Variants in ZNF320 observed in about 807,000 individuals in gnomAD.
ZNF320 encodes the protein zinc finger protein 320, also known as zinc finger gene 320.
ZNF320 carries 2 observed loss-of-function variants against 6.8 expected under a neutral mutation model. The observed-to-expected ratio is 0.29, with a 90% CI of 0.12 to 0.93. ZNF320 has a LOEUF of 0.93. Ranked by LOEUF, ZNF320 falls within the 40% of genes least tolerant of loss-of-function variation. The pLI is 0.55. For missense variants in ZNF320, 472 were observed against 611.0 expected (o/e 0.77, Z 2.40); for synonymous variants, 208 against 203.2 (o/e 1.02, Z -0.20).
At chr19:52,865,727 ATATATATGATTATACACATATATT>A (rs2063546123) in intron 5 of ZNF320, among the ~76,000 whole-genome samples, 1 of 109,914 alleles carries the variant, frequency 9.1e-6, no homozygotes, top group Non-Finnish European at 1.7e-5. Context: ...ACACATATTT[ATATATATGATTATACACATATATT>A]TATATATATG....
At position 52,877,290 on chromosome 19, in the gene ZNF320, G is replaced by A. The variant is rs1037532580; in HGVS notation, c.*3306C>T. On this transcript the variant is annotated 3_prime_UTR_variant, in exon 6 of 6. Coordinates refer to ENST00000682928, the MANE Select transcript of ZNF320 (RefSeq NM_001351774.2). ...AATCAGTACATATATACATTGGTCC[G>A]GTCTGGAAAGGTGGAATAACTGGAA... 1 of 152,080 alleles carries A rather than the reference G, an allele frequency of 6.6e-6. No individual in the cohort carries two copies. 9.4% of individuals were successfully genotyped at this position (152,080 alleles called of 1,614,324 possible).
chr19:52,872,549 T>C (rs1283816409), downstream of ZNF320, among the ~76,000 whole-genome samples: 1 of 152,134 alleles, frequency 6.6e-6, no homozygotes, highest in East Asian at 1.9e-4. Flanking sequence ...GTCACGCAGG[T>C]GGAGTGCAGT....
chr19:52,872,319 A>G (rs1008258633), downstream of ZNF320, among the ~76,000 whole-genome samples: 1 of 152,194 alleles, frequency 6.6e-6, no homozygotes, highest in African/African-American at 2.4e-5. Context: ...GTGTATATTA[A>G]TGTACTGAAG....
At chr19:52,871,429 A>G (rs2063678920), downstream of ZNF320, among the ~76,000 whole-genome samples, 1 of 152,132 alleles carries the variant, frequency 6.6e-6, no homozygotes, top group Non-Finnish European at 1.5e-5. Context: ...TGATGCAATA[A>G]GATCACTTGA....
At chr19:52,872,055 C>T (rs1947845082), downstream of ZNF320, among the ~76,000 whole-genome samples, 1 of 152,120 alleles carries the variant, frequency 6.6e-6, no homozygotes, top group African/African-American at 2.4e-5. Flanking sequence ...GGTGTGGTAG[C>T]ACCTGCCTGT....
At chr19:52,901,394 C>T (rs970645935), upstream of ZNF320, among the ~76,000 whole-genome samples, 7 of 152,296 alleles carry the variant, frequency 4.6e-5, no homozygotes. Flanking sequence ...CTGCTTCAGT[C>T]GTGCGTGGAC....
At chr19:52,900,644 ACTT>A (rs1478328168), upstream of ZNF320, among the ~76,000 whole-genome samples, 4 of 151,960 alleles carry the variant, frequency 2.6e-5, no homozygotes, top group Non-Finnish European at 4.4e-5. Context: ...GCATTTTTCA[ACTT>A]CTTTTTTTAT....
intron 4 of ZNF320, among the ~76,000 whole-genome samples, chr19:52,888,800 C>T (rs1346486148): frequency 3.3e-5 from 5 of 151,824 alleles, no homozygotes; most frequent in African/African-American, 7.3e-5. Flanking sequence ...AAAATATATA[C>T]GTGTGTGTAC....
chr19:52,901,038 G>C (rs1260922693), upstream of ZNF320, among the ~76,000 whole-genome samples: 1 of 151,794 alleles, frequency 6.6e-6, no homozygotes, highest in Non-Finnish European at 1.5e-5. Context: ...CCCCTCTTCT[G>C]TTCTAGCTAT....
downstream of ZNF320, among the ~76,000 whole-genome samples, chr19:52,875,122 C>T (rs2063742237): frequency 6.6e-6 from 1 of 152,212 alleles, no homozygotes; most frequent in Admixed American, 6.5e-5. Context: ...TAAATGACAA[C>T]ACTTACAAAT....
At chr19:52,864,000 G>A (rs746959472) in exon 6 of ZNF320, 1 of 465,924 alleles carries the variant, frequency 2.1e-6, no homozygotes. Flanking sequence ...CACAAGGACA[G>A]ATTCTTCATG....
intron 5 of ZNF320, among the ~76,000 whole-genome samples, chr19:52,885,045 C>CA (rs1246505809): frequency 6.6e-6 from 1 of 150,970 alleles, no homozygotes; most frequent in Admixed American, 6.6e-5. Context: ...AAAAAAAATA[C>CA]AAAAAAATTA....
At chr19:52,862,508 C>T in exon 6 of ZNF320, 1 of 358,208 alleles carries the variant, frequency 2.8e-6, no homozygotes, top group South Asian at 2.3e-5. Context: ...CTTGTAAGAT[C>T]TCTCTTCATT....
chr19:52,890,140 G>A, intron 4 of ZNF320, 101 bp downstream of exon 4: 1 of 1,527,590 alleles, frequency 6.5e-7, no homozygotes, highest in Non-Finnish European at 9.0e-7. Context: ...GAGCAAACCT[G>A]TCAGGCAGGA....
intron 3 of ZNF320, 196 bp from the exon 4 acceptor site, chr19:52,890,524 G>A: frequency 2.1e-6 from 1 of 480,690 alleles, no homozygotes. Flanking sequence ...TGCAGCAGTG[G>A]GGAGCTGGGC....
intron 4 of ZNF320, among the ~76,000 whole-genome samples, chr19:52,889,590 C>T (rs2064220627): frequency 6.6e-6 from 1 of 152,204 alleles, no homozygotes; most frequent in African/African-American, 2.4e-5. Context: ...AGCCTCTCCA[C>T]AGGAACCCCA....
intron 4 of ZNF320, 90 bp downstream of exon 4, chr19:52,890,151 T>C: frequency 6.4e-7 from 1 of 1,551,480 alleles, no homozygotes; most frequent in Non-Finnish European, 8.8e-7. Flanking sequence ...TCAGGCAGGA[T>C]GCTTCAGACT....
rs1006722319 is a variant in ZNF320 at position 52,897,579 on chromosome 19, G to A, written c.-329C>T. On this transcript the variant is annotated 5_prime_UTR_variant, in exon 1 of 6. Coordinates refer to ENST00000682928, the MANE Select transcript of ZNF320 (RefSeq NM_001351774.2). Reference sequence around the variant, plus strand: ...GGGGCCGCAATTTCCAGGTCTGTGGGGACTCAACGTCCCCGGTATAGCAGC... The same window carrying A: ...GGGGCCGCAATTTCCAGGTCTGTGGAGACTCAACGTCCCCGGTATAGCAGC... 6.6e-6 allele frequency: 1 copy of A among 152,238 alleles called. No homozygotes were observed. Among genetic ancestry groups the A allele is most frequent in the African/African-American group, 2.4e-5 (1 of 41,430 alleles). 9.4% of individuals were successfully genotyped at this position (152,238 alleles called of 1,614,324 possible).
chr19:52,864,673 T>G (rs2063512177), intron 5 of ZNF320, among the ~76,000 whole-genome samples: 1 of 152,096 alleles, frequency 6.6e-6, no homozygotes, highest in South Asian at 2.1e-4. Flanking sequence ...ATAACATCAG[T>G]GCACTATAGC....
Sources: gnomAD v4.1 joint callset for allele counts (sites outside exome capture counted in the v4.1 genomes callset) on GRCh38, gnomAD v4.1.1 for gene constraint, MANE v1.5 for transcripts, NCBI Gene and HGNC (gene_info 2026-07-23, HGNC 2026-07-21) for gene names.